The following WNT4 variants were observed in gnomAD, a reference collection of about 807,000 sequenced individuals.
WNT4 encodes Wnt family member 4.
Under a neutral mutation model 34.5 loss-of-function variants are expected in WNT4, and 16 were observed. That is an observed-to-expected ratio of 0.46 (90% CI 0.31 to 0.70). The LOEUF is 0.70. Among genes scored for constraint, WNT4 ranks in the 30% least tolerant of loss-of-function variants. The pLI is 0.04. For synonymous variants in WNT4, 200 were observed against 211.9 expected (o/e 0.94, Z 0.49); for missense variants, 379 against 495.9 (o/e 0.76, Z 2.24).
At chr1:22,123,801 A>T (rs1645920910) in intron 2 of WNT4, among the ~76,000 whole-genome samples, 1 of 152,130 alleles carries the variant, frequency 6.6e-6, no homozygotes. Context: ...CCTCCCACAT[A>T]TGGAGCCAAG....
At chr1:22,132,170 G>A (rs1041394085) in intron 1 of WNT4, among the ~76,000 whole-genome samples, 2 of 152,246 alleles carry the variant, frequency 1.3e-5, no homozygotes, top group African/African-American at 2.4e-5. Context: ...TGAGCCTGAC[G>A]TTGGATCCTT....
At chr1:22,131,549 A>G (rs888933452) in intron 1 of WNT4, among the ~76,000 whole-genome samples, 1 of 152,230 alleles carries the variant, frequency 6.6e-6, no homozygotes, top group African/African-American at 2.4e-5. Flanking sequence ...ATTGATCCCC[A>G]GGATGTTTCC....
intron 4 of WNT4, 40 bp downstream of exon 4, chr1:22,121,171 A>G (rs770426084): frequency 5.0e-6 from 8 of 1,612,174 alleles, no homozygotes; most frequent in Non-Finnish European, 6.8e-6. Flanking sequence ...TGCCCATGCT[A>G]TCCCTACCCC....
rs755578996 is a variant in WNT4, at chr1:22,119,526, G to A, written c.*524C>T. 1.2e-4 allele frequency: 22 copies of A among 178,678 alleles called. No individual in the cohort carries two copies. The highest frequency in any genetic ancestry group is 2.4e-4 in the Non-Finnish European group (20 of 82,778). 11.1% of individuals were successfully genotyped at this position (178,678 alleles called of 1,614,324 possible). A position where few individuals can be genotyped will look rare whatever the true frequency, so the allele number is the denominator to read the frequency against. On this transcript the variant is annotated 3_prime_UTR_variant, in exon 5 of 5. Transcript: ENST00000290167. Reference sequence around the variant, plus strand: ...GGTGCCCTTGACCTGGTATCTGCTTGTTCCCTTTCTCAGGGCATTTGAGAG... The same window carrying A: ...GGTGCCCTTGACCTGGTATCTGCTTATTCCCTTTCTCAGGGCATTTGAGAG...
chr1:22,142,911 GC>G lies in WNT4; in HGVS notation c.11del (p.Arg4ProfsTer46). MSP[R>X]SCLRSLRLLV... ...GGAGGCGCAGCGAACGCAGGCACGA[GC>G]GGGGACTCATGGTGCCGCCGCGGGC... On this transcript the variant is annotated frameshift_variant, in exon 1 of 5. Transcript: ENST00000290167. LOFTEE classifies it high-confidence loss of function. The surrounding 1 kb of genome is among the most constrained non-coding windows in gnomAD (Gnocchi z 6.0). The G allele has an allele frequency of 8.4e-7, 1 of 1,187,144 alleles. No individual in the cohort carries two copies. The highest frequency in any genetic ancestry group is 1.1e-6 in the Non-Finnish European group (1 of 932,532). The allele number at this position is 1,187,144 out of a possible 1,614,324, so 73.5% of individuals were successfully genotyped here.
At chr1:22,121,398 A>G in intron 3 of WNT4, 45 bp from the exon 4 acceptor site, 1 of 1,613,900 alleles carries the variant, frequency 6.2e-7, no homozygotes, top group Non-Finnish European at 8.5e-7. Flanking sequence ...AGTGAGGGCC[A>G]GGGCCAAGCC....
Position 22,142,844 on chromosome 1 carries a change from A to G in WNT4, c.77+2T>C. 1 of 1,208,836 alleles carries G rather than the reference A, an allele frequency of 8.3e-7. No homozygotes were observed. The highest frequency in any genetic ancestry group is 1.1e-6 in the Non-Finnish European group (1 of 945,626). 74.9% of individuals were successfully genotyped at this position (1,208,836 alleles called of 1,614,324 possible). A position where few individuals can be genotyped will look rare whatever the true frequency, so the allele number is the denominator to read the frequency against. ...GCCCCGCTCGGCCCCGGCCAGACTT[A>G]CAGCCAGTTGCTCGCGGCGGCTGAG... On this transcript the variant is annotated splice_donor_variant, in intron 1 of 4. Transcript: ENST00000290167. LOFTEE classifies it high-confidence loss of function. The surrounding 1 kb of genome is among the most constrained non-coding windows in gnomAD (Gnocchi z 6.0).
intron 1 of WNT4, among the ~76,000 whole-genome samples, chr1:22,136,135 GGGC>G (rs772792325): frequency 5.3e-5 from 8 of 152,156 alleles, no homozygotes; most frequent in Non-Finnish European, 7.3e-5. Flanking sequence ...GGCTGCCTCA[GGGC>G]CACAAAGTAG....
In WNT4 at chr1:22,140,851, G is replaced by A. The variant is rs945101826; in HGVS notation, c.77+1995C>T. 2.0e-5 allele frequency among the ~76,000 whole-genome samples: 3 copies of A among 152,206 alleles called. No homozygotes were observed. The highest frequency in any genetic ancestry group is 4.8e-5 in the African/African-American group (2 of 41,448). On this transcript the variant is annotated intron_variant, in intron 1 of 4. Transcript: ENST00000290167. This position sits in a 1 kb window ranked among gnomAD's most constrained non-coding sequence, Gnocchi z 5.9. Reference sequence around the variant, plus strand: ...GAACCATCACCGTTGCAGAGAACAGGTTTGCCAACCTCTCTTCTCCTAGGC... The same window carrying A: ...GAACCATCACCGTTGCAGAGAACAGATTTGCCAACCTCTCTTCTCCTAGGC...
rs994518582 is a variant in WNT4, at chr1:22,142,829, GC to G, written c.77+16del. 20 of 1,194,906 alleles carry G rather than the reference GC, an allele frequency of 1.7e-5. No homozygotes were observed. The highest frequency in any genetic ancestry group is 2.0e-5 in the Non-Finnish European group (19 of 937,940). 74.0% of individuals were successfully genotyped at this position (1,194,906 alleles called of 1,614,324 possible). On this transcript the variant is annotated intron_variant, in intron 1 of 4. Coordinates refer to ENST00000290167, the MANE Select transcript of WNT4 (RefSeq NM_030761.5). The surrounding 1 kb of genome is among the most constrained non-coding windows in gnomAD (Gnocchi z 6.0). The stretch of plus-strand genomic sequence containing the variant: ...GCCCCGCCCCGCCCCGCCCCGCTCG[GC>G]CCCGGCCAGACTTACAGCCAGTTGC...
chr1:22,127,872 G>T (rs1446470461), intron 2 of WNT4, among the ~76,000 whole-genome samples: 1 of 152,208 alleles, frequency 6.6e-6, no homozygotes, highest in Non-Finnish European at 1.5e-5. Context: ...AGGGGGCTTG[G>T]GTGTTTGCGG....
Position 22,119,907 on chromosome 1 carries a change from C to CA in WNT4, c.*142dup. On this transcript the variant is annotated 3_prime_UTR_variant, in exon 5 of 5. Transcript: ENST00000290167. ...CTTGGGGTTGCCTGCCTGGTTTCGGCAATAAATAACATGAGGACCCAAAAA... is the reference window on the plus strand; with the variant it reads ...CTTGGGGTTGCCTGCCTGGTTTCGGCAAATAAATAACATGAGGACCCAAAAA... 3 of 1,088,272 alleles carry CA rather than the reference C, an allele frequency of 2.8e-6. No homozygotes were observed. In the South Asian group the frequency reaches 4.6e-5, roughly 17 times the overall value. The allele number at this position is 1,088,272 out of a possible 1,614,324, so 67.4% of individuals were successfully genotyped here. A position where few individuals can be genotyped will look rare whatever the true frequency, so the allele number is the denominator to read the frequency against.
chr1:22,124,301 T>A (rs1194760177), intron 2 of WNT4, among the ~76,000 whole-genome samples: 1 of 152,186 alleles, frequency 6.6e-6, no homozygotes, highest in Non-Finnish European at 1.5e-5. Context: ...AACTCTACGG[T>A]GCCTTCTTCC....
At position 22,119,982 on chromosome 1, in the gene WNT4, G is replaced by A; in HGVS notation, c.*68C>T. On this transcript the variant is annotated 3_prime_UTR_variant, in exon 5 of 5. Coordinates refer to ENST00000290167, the MANE Select transcript of WNT4 (RefSeq NM_030761.5). ...CAGTATCTCTTGGGGTAGGTGGTGG[G>A]AGACTGTTTAAATTATCGGCCTTCC... 1 of 1,558,858 alleles carries A rather than the reference G, an allele frequency of 6.4e-7. No homozygotes were observed. Among genetic ancestry groups the A allele is most frequent in the Non-Finnish European group, 8.7e-7 (1 of 1,148,720 alleles).
rs1029153281 is a variant in WNT4, at chr1:22,142,647, C to G, written c.77+199G>C. Reference sequence around the variant, plus strand: ...ACGCCTCTGGGCAGGGAGCCGGACCCGGGCAGGAGGGGACCCCGGGTGTGC... The same window carrying G: ...ACGCCTCTGGGCAGGGAGCCGGACCGGGGCAGGAGGGGACCCCGGGTGTGC... On this transcript the variant is annotated intron_variant, in intron 1 of 4. Coordinates refer to ENST00000290167, the MANE Select transcript of WNT4 (RefSeq NM_030761.5). This position sits in a 1 kb window ranked among gnomAD's most constrained non-coding sequence, Gnocchi z 6.0. Among the ~76,000 whole-genome samples the G allele has an allele frequency of 6.6e-6, 1 of 151,860 alleles. No homozygotes were observed. Among genetic ancestry groups the G allele is most frequent in the African/African-American group, 2.4e-5 (1 of 41,376 alleles).
In WNT4 at chr1:22,134,747, C is replaced by T. The variant is rs763743463; in HGVS notation, c.78-4896G>A. ...GCACCTTCAAGATGCTCACTGTCATCGGTGCCGTCACCACCCCTCCCACAG... is the reference window on the plus strand; with the variant it reads ...GCACCTTCAAGATGCTCACTGTCATTGGTGCCGTCACCACCCCTCCCACAG... On this transcript the variant is annotated intron_variant, in intron 1 of 4. Coordinates refer to ENST00000290167, the MANE Select transcript of WNT4 (RefSeq NM_030761.5). This position sits in a 1 kb window ranked among gnomAD's most constrained non-coding sequence, Gnocchi z 4.1. Among the ~76,000 whole-genome samples the T allele has an allele frequency of 1.2e-4, 18 of 152,308 alleles. No individual in the cohort carries two copies. Among genetic ancestry groups the T allele is most frequent in the South Asian group, 6.2e-4 (3 of 4,822 alleles).
intron 2 of WNT4, among the ~76,000 whole-genome samples, chr1:22,129,003 A>AGCC (rs1456540374): frequency 1.3e-5 from 2 of 152,214 alleles, no homozygotes. Context: ...TACAGGCATG[A>AGCC]GCTGCCGCGC....
rs772656483 is a variant in WNT4, at chr1:22,120,442, G to C, written c.664C>G (p.Arg222Gly). 3 of 1,613,540 alleles carry C rather than the reference G, an allele frequency of 1.9e-6. No individual in the cohort carries two copies. The highest frequency in any genetic ancestry group is 3.3e-5 in the Admixed American group (2 of 60,004). Residue 222 changes from arginine (R) to glycine (G), a missense_variant, in exon 5 of 5, where the codon CGA (arginine) becomes GGA (glycine). This residue lies in a region of WNT4 where 313 missense variants were observed against 445.8 expected (regional missense o/e 0.70). Transcript: ENST00000290167. ...SGSCEVKTCWRAVPPFRQVGH... is the reference protein window; with the variant it reads ...SGSCEVKTCWGAVPPFRQVGH... The stretch of plus-strand genomic sequence containing the variant: ...ACCTGGCGGAAGGGCGGCACGGCTC[G>C]CCAGCACGTCTTTACCTCACAGGAG...
At position 22,127,469 on chromosome 1, in the gene WNT4, C is replaced by T. The variant is rs758619333; in HGVS notation, c.313+2147G>A. On this transcript the variant is annotated intron_variant, in intron 2 of 4. Transcript: ENST00000290167. ...ATGACATCCACTGTCTCCTCCATGC[C>T]AGGCTTTGCCACCTGCCAAGAAACA... 2.4e-5 allele frequency: 13 copies of T among 532,998 alleles called. No individual in the cohort carries two copies. In the African/African-American group the frequency reaches 2.5e-4, roughly 10 times the overall value. The allele number at this position is 532,998 out of a possible 1,614,324, so 33.0% of individuals were successfully genotyped here. A position where few individuals can be genotyped will look rare whatever the true frequency, so the allele number is the denominator to read the frequency against.
Sources: gnomAD v4.1 joint callset for allele counts (sites outside exome capture counted in the v4.1 genomes callset) on GRCh38, gnomAD v4.1.1 for gene constraint, gnomAD v4.1.1 regional missense constraint, Gnocchi (gnomAD v3.1) non-coding constraint, MANE v1.5 for transcripts, NCBI Gene and HGNC (gene_info 2026-07-23, HGNC 2026-07-21) for gene names.